PTPRD: variants seen among roughly 807,000 people sequenced by gnomAD.
PTPRD encodes receptor-type tyrosine-protein phosphatase delta.
PTPRD carries 34 observed loss-of-function variants against 214.5 expected under a neutral mutation model. The observed-to-expected ratio is 0.16, with a 90% CI of 0.12 to 0.21. The LOEUF (loss-of-function observed/expected upper bound fraction) is 0.21. Among genes scored for constraint, PTPRD ranks in the 10% least tolerant of loss-of-function variants. PTPRD has a pLI of 1.00. For missense variants in PTPRD, 2,545 were observed against 2,398.7 expected, an observed-to-expected ratio of 1.06 and a Z score of -1.27; for synonymous variants, 1,128 against 845.7, an observed-to-expected ratio of 1.33 and a Z score of -5.79.
intron 34 of PTPRD, among the ~76,000 whole-genome samples, chr9:8,448,130 G>C (rs545109295): frequency 3.3e-5 from 5 of 151,982 alleles, no homozygotes; most frequent in South Asian, 4.2e-4. Flanking sequence ...TTGGAGCCCA[G>C]CTTGTGCAAC....
chr9:9,866,432 G>C (rs985627526), intron 5 of PTPRD, among the ~76,000 whole-genome samples: 26 of 152,116 alleles, frequency 1.7e-4, no homozygotes, highest in African/African-American at 6.3e-4. Context: ...TATACAGTAT[G>C]ACCAGAAATT....
chr9:10,031,647 T>TATATATATATATATACAC lies in PTPRD; in HGVS notation c.-472+2070_-472+2071insGTGTATATATATATATAT. 1.8e-3 allele frequency among the ~76,000 whole-genome samples: 162 copies of TATATATATATATATACAC among 89,632 alleles called. 3 individuals are homozygous for TATATATATATATATACAC. The highest frequency in any genetic ancestry group is 0.013 in the African/African-American group (156 of 12,352). The allele number at this position is 89,632 out of a possible 152,430, so 58.8% of individuals were successfully genotyped here. A position where few individuals can be genotyped will look rare whatever the true frequency, so the allele number is the denominator to read the frequency against. On this transcript the variant is annotated intron_variant, in intron 4 of 45. Transcript: ENST00000381196. ...CTCCATATATATATATATATATATATACACACACACACACACACATACACA... is the reference window on the plus strand; with the variant it reads ...CTCCATATATATATATATATATATATATATATATATATATACACACACACACACACACACACATACACA...
intron 4 of PTPRD, among the ~76,000 whole-genome samples, chr9:9,977,202 T>C (rs1199379666): frequency 1.3e-5 from 2 of 152,190 alleles, no homozygotes; most frequent in Non-Finnish European, 1.5e-5. Context: ...CCAGCTCTGC[T>C]ACTATTTGTG....
At chr9:10,413,407 G>A (rs1417138221) in intron 2 of PTPRD, among the ~76,000 whole-genome samples, 1 of 151,898 alleles carries the variant, frequency 6.6e-6, no homozygotes, top group East Asian at 1.9e-4. Context: ...CACGAGGGAT[G>A]TAAAAGATCT....
At chr9:9,065,854 C>T (rs1270143742) in intron 10 of PTPRD, among the ~76,000 whole-genome samples, 4 of 152,006 alleles carry the variant, frequency 2.6e-5, no homozygotes, top group Admixed American at 2.6e-4. Flanking sequence ...AAATGTAATC[C>T]ATTTAACCTC....
chr9:9,131,517 T>C (rs1569549873), intron 10 of PTPRD, among the ~76,000 whole-genome samples: 1 of 152,210 alleles, frequency 6.6e-6, no homozygotes, highest in South Asian at 2.1e-4. Context: ...CACACCATGC[T>C]ATATATATTC....
chr9:10,221,113 G>C (rs2099569585), intron 3 of PTPRD, among the ~76,000 whole-genome samples: 1 of 151,842 alleles, frequency 6.6e-6, no homozygotes, highest in Non-Finnish European at 1.5e-5. Context: ...ATGCTCACTG[G>C]GAAAAGAAGT....
intron 8 of PTPRD, among the ~76,000 whole-genome samples, chr9:9,542,506 T>G (rs2077832574): frequency 6.6e-6 from 1 of 151,594 alleles, no homozygotes; most frequent in Non-Finnish European, 1.5e-5. Flanking sequence ...AAGATATCAT[T>G]AAAAAGATGA....
intron 12 of PTPRD, among the ~76,000 whole-genome samples, chr9:8,659,778 T>G (rs1453240750): frequency 6.6e-6 from 1 of 152,218 alleles, no homozygotes; most frequent in Non-Finnish European, 1.5e-5. Context: ...TTAAAAATTT[T>G]CTACCTATGG....
intron 11 of PTPRD, among the ~76,000 whole-genome samples, chr9:8,897,329 C>T (rs1459504230): frequency 3.3e-5 from 5 of 150,748 alleles, no homozygotes; most frequent in African/African-American, 7.3e-5. Context: ...GTTTTTTTTT[C>T]GTAGCATGGT....
intron 9 of PTPRD, among the ~76,000 whole-genome samples, chr9:9,384,395 A>G (rs1458192376): frequency 9.4e-6 from 1 of 106,790 alleles, no homozygotes; most frequent in African/African-American, 3.3e-5. Context: ...CTGGTGGGTC[A>G]ACAACCCTAT....
At chr9:8,990,308 G>C (rs1249841230) in intron 11 of PTPRD, among the ~76,000 whole-genome samples, 1 of 152,148 alleles carries the variant, frequency 6.6e-6, no homozygotes, top group Non-Finnish European at 1.5e-5. Flanking sequence ...CAGTTACGTG[G>C]AATATGGTGA....
intron 9 of PTPRD, among the ~76,000 whole-genome samples, chr9:9,235,921 G>T (rs933344284): frequency 5.9e-5 from 9 of 152,096 alleles, no homozygotes; most frequent in Admixed American, 2.6e-4. Context: ...ATGTCTCCAT[G>T]AACTTATTAG....
Position 8,630,127 on chromosome 9 carries a change from A to G in PTPRD, c.352+3190T>C, listed in dbSNP as rs139796731. Among the ~76,000 whole-genome samples, 186 of 151,920 alleles carry G rather than the reference A, an allele frequency of 1.2e-3. 1 individual carries two copies. The highest frequency in any genetic ancestry group is 4.2e-3 in the African/African-American group (176 of 41,502). On this transcript the variant is annotated intron_variant, in intron 14 of 45. Transcript: ENST00000381196. ...TCACTTAGATAAAGCCCATCATGAG[A>G]GCTGGCACATTTTTGGCATTTGTCA... is the stretch of plus-strand genomic sequence containing the variant.
chr9:10,585,280 T>C lies in PTPRD; in HGVS notation c.-600+27118A>G, dbSNP rs189120942. 2.4e-4 allele frequency among the ~76,000 whole-genome samples: 36 copies of C among 152,236 alleles called. 1 individual carries two copies. Among genetic ancestry groups the C allele is most frequent in the Middle Eastern group, 6.8e-3 (2 of 294 alleles). ...CTTATTTTTTGTGCTCATCCTTCTC[T>C]TGGATATTTGCTATTTGTGTAATTC... is the stretch of plus-strand genomic sequence containing the variant. On this transcript the variant is annotated intron_variant, in intron 2 of 45. Transcript: ENST00000381196.
intron 5 of PTPRD, among the ~76,000 whole-genome samples, chr9:9,826,458 A>AT (rs2052882506): frequency 6.6e-6 from 1 of 151,952 alleles, no homozygotes; most frequent in Non-Finnish European, 1.5e-5. Flanking sequence ...TTTTATTTTC[A>AT]GTCATATGGT....
At chr9:8,662,058 A>T (rs1328521037) in intron 12 of PTPRD, among the ~76,000 whole-genome samples, 1 of 152,170 alleles carries the variant, frequency 6.6e-6, no homozygotes, top group Non-Finnish European at 1.5e-5. Context: ...CTGGGACTCC[A>T]TATGCATACC....
At chr9:10,585,507 C>A (rs1032989053) in intron 2 of PTPRD, among the ~76,000 whole-genome samples, 2 of 151,886 alleles carry the variant, frequency 1.3e-5, no homozygotes, top group Admixed American at 1.3e-4. Flanking sequence ...ATATTTCAAA[C>A]CCAAAGAATT....
intron 2 of PTPRD, among the ~76,000 whole-genome samples, chr9:10,538,129 C>T (rs1009878632): frequency 6.6e-6 from 1 of 151,854 alleles, no homozygotes; most frequent in Non-Finnish European, 1.5e-5. Context: ...AATCACAGTG[C>T]CTATCCCTAT....
Sources: gnomAD v4.1 joint callset for allele counts (sites outside exome capture counted in the v4.1 genomes callset) on GRCh38, gnomAD v4.1.1 for gene constraint, MANE v1.5 for transcripts, NCBI Gene and HGNC (gene_info 2026-07-23, HGNC 2026-07-21) for gene names.